EPB41L4A: variants seen among roughly 807,000 people sequenced by gnomAD.
The protein encoded by EPB41L4A is erythrocyte membrane protein band 4.1 like 4A.
In EPB41L4A, 100 loss-of-function variants were observed where a neutral mutation model predicts 108.6. The ratio of observed to expected loss-of-function variants is 0.92; its 90% CI spans 0.78 to 1.09. The LOEUF (loss-of-function observed/expected upper bound fraction) is 1.09. Ranked by LOEUF, EPB41L4A falls within the 50% of genes least tolerant of loss-of-function variation. EPB41L4A has a pLI of 0.00. For missense variants in EPB41L4A, 1,030 were observed against 842.7 expected, an observed-to-expected ratio of 1.22 and a Z score of -2.75; for synonymous variants, 319 against 289.0, an observed-to-expected ratio of 1.10 and a Z score of -1.05.
chr5:112,305,665 T>A (rs1754640842), intron 2 of EPB41L4A, among the ~76,000 whole-genome samples: 1 of 152,142 alleles, frequency 6.6e-6, no homozygotes, highest in Non-Finnish European at 1.5e-5. Context: ...TAAAAGATAA[T>A]CAGACAATAC....
chr5:112,395,136 C>G (rs1171742673), intron 1 of EPB41L4A, among the ~76,000 whole-genome samples: 1 of 152,048 alleles, frequency 6.6e-6, no homozygotes, highest in African/African-American at 2.4e-5. Flanking sequence ...TAAAACCATA[C>G]GAACCCTAGA....
At chr5:112,350,562 T>C (rs1757973853) in intron 1 of EPB41L4A, among the ~76,000 whole-genome samples, 1 of 152,230 alleles carries the variant, frequency 6.6e-6, no homozygotes, top group Non-Finnish European at 1.5e-5. Flanking sequence ...CTATTGAACA[T>C]TAGAAGTTAC....
In EPB41L4A at chr5:112,165,093, A is replaced by G; in HGVS notation, c.1958T>C (p.Leu653Pro). 6.3e-7 allele frequency: 1 copy of G among 1,590,798 alleles called. No individual in the cohort carries two copies. Among genetic ancestry groups the G allele is most frequent in the Non-Finnish European group, 8.5e-7 (1 of 1,172,826 alleles). Residue 653 changes from leucine to proline, a missense_variant, in exon 23 of 23, where the codon CTG becomes CCG. Transcript: ENST00000261486. The stretch of plus-strand genomic sequence containing the variant: ...AGATGTCTGAGGTTTTTCTTCCATC[A>G]GGCTATCTTTAGACCCATTTCTTCT... ...HQRRNGSKDS[L>P]MEEKPQTSTN... is the part of the protein sequence containing the mutation.
chr5:112,274,680 G>T (rs576326933), intron 4 of EPB41L4A, among the ~76,000 whole-genome samples: 1 of 152,266 alleles, frequency 6.6e-6, no homozygotes, highest in African/African-American at 2.4e-5. Context: ...ATGCAGCTAG[G>T]TCACCAGCAG....
At chr5:112,243,993 A>G (rs934877870) in intron 9 of EPB41L4A, among the ~76,000 whole-genome samples, 2 of 152,208 alleles carry the variant, frequency 1.3e-5, no homozygotes, top group African/African-American at 2.4e-5. Flanking sequence ...TGCATTCACA[A>G]CTTGGCTAAC....
downstream of EPB41L4A, among the ~76,000 whole-genome samples, chr5:112,160,061 C>G (rs1175652740): frequency 6.6e-6 from 1 of 151,434 alleles, no homozygotes; most frequent in Non-Finnish European, 1.5e-5. Context: ...TAGACGCCCG[C>G]CACCAAGCCC....
rs370273054 is a variant in EPB41L4A at position 112,387,893 on chromosome 5, T to C, written c.99+31048A>G. 3.3e-5 allele frequency among the ~76,000 whole-genome samples: 5 copies of C among 152,198 alleles called. No homozygotes were observed. In the East Asian group the frequency reaches 7.7e-4, roughly 23 times the overall value. Reference sequence around the variant, plus strand: ...TATGCAGAAGTCATAACATACACTTTCTATCTTCCTCACTTAAAAAGAAAT... The same window carrying C: ...TATGCAGAAGTCATAACATACACTTCCTATCTTCCTCACTTAAAAAGAAAT... On this transcript the variant is annotated intron_variant, in intron 1 of 22. Transcript: ENST00000261486.
intron 3 of EPB41L4A, among the ~76,000 whole-genome samples, chr5:112,279,064 CAAAAAAAAAAA>C (rs60463391): frequency 1.3e-5 from 1 of 76,902 alleles, no homozygotes; most frequent in East Asian, 3.6e-4. Flanking sequence ...GATACCGTCT[CAAAAAAAAAAA>C]AAAAAAAAAA....
At chr5:112,172,234 G>C (rs935741644) in intron 18 of EPB41L4A, among the ~76,000 whole-genome samples, 1 of 152,140 alleles carries the variant, frequency 6.6e-6, no homozygotes, top group African/African-American at 2.4e-5. Context: ...GATTAGGCTG[G>C]GCATAGTGGC....
chr5:112,343,351 G>A (rs74981006), intron 1 of EPB41L4A, among the ~76,000 whole-genome samples: 2,125 of 152,204 alleles, frequency 0.014, 59 homozygotes, highest in African/African-American at 0.048. Flanking sequence ...CAGACTGCCT[G>A]GGTTTGAATT....
chr5:112,240,741 C>T lies in EPB41L4A; in HGVS notation c.865G>A (p.Val289Met), dbSNP rs759258968. The change falls in exon 10 of 23, where the codon GTG (valine) becomes ATG (methionine). Residue 289 changes from valine to methionine, a missense_variant. Physicochemically the swap from Val to Met is conservative, Grantham distance 21. Coordinates refer to ENST00000261486, the MANE Select transcript of EPB41L4A (RefSeq NM_022140.5). ...TACCTAAAAAATGTATGATGTTCCACACTGCACTTCCAGAGGTGCTTGCAA... is the reference window on the plus strand; with the variant it reads ...TACCTAAAAAATGTATGATGTTCCATACTGCACTTCCAGAGGTGCTTGCAA... Reference protein sequence around the residue: ...TACKHLWKCSVEHHTFFRMPE... With the variant: ...TACKHLWKCSMEHHTFFRMPE... 6.4e-7 allele frequency: 1 copy of T among 1,574,762 alleles called. No homozygotes were observed. The highest frequency in any genetic ancestry group is 2.3e-5 in the East Asian group (1 of 42,774).
intron 2 of EPB41L4A, among the ~76,000 whole-genome samples, chr5:112,281,397 T>C (rs1307553088): frequency 1.3e-5 from 2 of 152,092 alleles, no homozygotes; most frequent in African/African-American, 4.8e-5. Flanking sequence ...TCTCCATCTG[T>C]GGGAAGAGCA....
At chr5:112,235,378 A>G (rs950881688) in intron 11 of EPB41L4A, among the ~76,000 whole-genome samples, 1 of 152,190 alleles carries the variant, frequency 6.6e-6, no homozygotes, top group Non-Finnish European at 1.5e-5. Context: ...TTCCCAAGGA[A>G]TCATGTGATT....
chr5:112,226,293 A>G (rs1488334502), intron 12 of EPB41L4A, among the ~76,000 whole-genome samples: 1 of 152,202 alleles, frequency 6.6e-6, no homozygotes, highest in African/African-American at 2.4e-5. Flanking sequence ...TTGATCTAAT[A>G]TCTTCCTGGA....
intron 1 of EPB41L4A, among the ~76,000 whole-genome samples, chr5:112,377,827 T>C (rs1170275249): frequency 6.6e-6 from 1 of 151,750 alleles, no homozygotes; most frequent in African/African-American, 2.4e-5. Context: ...ACTAACTTAA[T>C]CTTCACACAA....
intron 2 of EPB41L4A, among the ~76,000 whole-genome samples, chr5:112,290,316 C>T (rs1283020305): frequency 6.6e-6 from 1 of 152,132 alleles, no homozygotes; most frequent in Non-Finnish European, 1.5e-5. Context: ...TCAGAGCCCA[C>T]CAATCATTTT....
chr5:112,346,826 T>C (rs1393479141), intron 1 of EPB41L4A, among the ~76,000 whole-genome samples: 2 of 152,222 alleles, frequency 1.3e-5, no homozygotes, highest in Non-Finnish European at 2.9e-5. Flanking sequence ...ATACAAGTTT[T>C]AGCCACAGAA....
At chr5:112,268,302 C>T (rs970748941) in intron 4 of EPB41L4A, among the ~76,000 whole-genome samples, 1 of 152,090 alleles carries the variant, frequency 6.6e-6, no homozygotes, top group African/African-American at 2.4e-5. Context: ...CACTTGAACC[C>T]AGGAGGCAGA....
At chr5:112,389,907 A>G (rs758526806) in intron 1 of EPB41L4A, among the ~76,000 whole-genome samples, 7 of 152,226 alleles carry the variant, frequency 4.6e-5, no homozygotes, top group Middle Eastern at 3.2e-3. Context: ...CTCGGAGGCT[A>G]CACAACCAGG....
Sources: gnomAD v4.1 joint callset for allele counts (sites outside exome capture counted in the v4.1 genomes callset) on GRCh38, gnomAD v4.1.1 for gene constraint, MANE v1.5 for transcripts, NCBI Gene and HGNC (gene_info 2026-07-23, HGNC 2026-07-21) for gene names.